PLAU: variants seen among roughly 807,000 people sequenced by gnomAD.
PLAU encodes urokinase-type plasminogen activator.
Under a neutral mutation model 48.9 loss-of-function variants are expected in PLAU, and 32 were observed. The ratio of observed to expected loss-of-function variants is 0.65; its 90% CI spans 0.49 to 0.88. The LOEUF (loss-of-function observed/expected upper bound fraction) is 0.88. Among genes scored for constraint, PLAU ranks in the 40% least tolerant of loss-of-function variants. The pLI is 0.00. For missense variants in PLAU, 455 were observed against 545.2 expected (o/e 0.83, Z 1.65); for synonymous variants, 199 against 205.7 (o/e 0.97, Z 0.28).
In PLAU at chr10:73,916,771, G is replaced by A; in HGVS notation, c.*206G>A. ...CTGGCTGCCCAGACCCCTCTGGCCA[G>A]GATGGAGGGGTGGTCCTGACTCAAC... On this transcript the variant is annotated 3_prime_UTR_variant, in exon 11 of 11. Coordinates refer to ENST00000372764, the MANE Select transcript of PLAU (RefSeq NM_002658.6). 1.8e-6 allele frequency: 1 copy of A among 566,220 alleles called. No homozygotes were observed. The highest frequency in any genetic ancestry group is 3.1e-6 in the Non-Finnish European group (1 of 320,084). 35.1% of individuals were successfully genotyped at this position (566,220 alleles called of 1,614,324 possible). A position where few individuals can be genotyped will look rare whatever the true frequency, so the allele number is the denominator to read the frequency against.
At position 73,914,105 on chromosome 10, in the gene PLAU, C is replaced by T. The variant is rs201687228; in HGVS notation, c.806C>T (p.Thr269Met). 3.7e-5 allele frequency: 59 copies of T among 1,614,072 alleles called. No homozygotes were observed. The highest frequency in any genetic ancestry group is 1.3e-4 in the Admixed American group (8 of 60,000). ...CTACACAAGGACTACAGCGCTGACACGCTTGCTCACCACAACGACATTGGT... is the reference window on the plus strand; with the variant it reads ...CTACACAAGGACTACAGCGCTGACATGCTTGCTCACCACAACGACATTGGT... ...LILHKDYSAD[T>M]LAHHNDIALL... Residue 269 changes from threonine (T) to methionine (M), a missense_variant, in exon 8 of 11, where the codon ACG (threonine) becomes ATG (methionine). Thr to Met is a moderately conservative substitution (Grantham distance 81). Coordinates refer to ENST00000372764, the MANE Select transcript of PLAU (RefSeq NM_002658.6).
At position 73,911,581 on chromosome 10, in the gene PLAU, T is replaced by A; in HGVS notation, c.26T>A (p.Leu9His). The part of the protein sequence containing the change: MRALLARL[L>H]LCVLVVSDSK... ...ATGAGAGCCCTGCTGGCGCGCCTGC[T>A]TCTCTGCGTCCTGGTCGTGAGCGAC... The change falls in exon 2 of 11, where the codon CTT becomes CAT. Residue 9 changes from leucine to histidine, a missense_variant. Physicochemically the swap from Leu to His is moderately conservative, Grantham distance 99. Transcript: ENST00000372764. The A allele has an allele frequency of 6.2e-7, 1 of 1,613,690 alleles. No homozygotes were observed. The highest frequency in any genetic ancestry group is 1.3e-5 in the African/African-American group (1 of 75,074).
In PLAU at chr10:73,913,763, G is replaced by A. The variant is rs373237459; in HGVS notation, c.680+5G>A. ...CAGCGCCACACACTGCTTCATGTAC[G>A]GCCCTGGGTTTCTCCTCTTCGACTC... On this transcript the variant is annotated splice_donor_5th_base_variant and intron_variant, in intron 7 of 10. Coordinates refer to ENST00000372764, the MANE Select transcript of PLAU (RefSeq NM_002658.6). The A allele has an allele frequency of 7.5e-5, 118 of 1,574,864 alleles. No individual in the cohort carries two copies. The South Asian group carries it at 9.1e-4, about 12-fold the overall frequency.
At chr10:73,913,948 C>G in intron 7 of PLAU, 32 bp from the exon 8 acceptor site, 1 of 1,605,032 alleles carries the variant, frequency 6.2e-7, no homozygotes, top group Non-Finnish European at 8.5e-7. Flanking sequence ...TTTCATGGGA[C>G]TAAGCTGTTT....
chr10:73,913,606 C>T lies in PLAU; in HGVS notation c.528C>T (p.Arg176=). 2 of 1,614,002 alleles carry T rather than the reference C, an allele frequency of 1.2e-6. No homozygotes were observed. Among genetic ancestry groups the T allele is most frequent in the Non-Finnish European group, 1.7e-6 (2 of 1,179,974 alleles). ...FQCGQKTLRP[R]FKIIGGEFTT... The stretch of plus-strand genomic sequence containing the variant: ...GTGGCCAAAAGACTCTGAGGCCCCG[C>T]TTTAAGATTATTGGGGGAGAATTCA... The change falls in exon 7 of 11, where the codon CGC becomes CGT. Residue 176 remains arginine (R), a synonymous_variant. Transcript: ENST00000372764.
chr10:73,915,171 C>T, intron 9 of PLAU, 80 bp from the exon 10 acceptor site: 1 of 1,433,596 alleles, frequency 7.0e-7, no homozygotes, highest in East Asian at 2.3e-5. Context: ...GGTAGAGATA[C>T]TTTATGGTTC....
upstream of PLAU, among the ~76,000 whole-genome samples, chr10:73,908,926 A>T (rs2131709522): frequency 3.6e-4 from 55 of 151,496 alleles, no homozygotes; most frequent in Non-Finnish European, 4.9e-4. Context: ...CTTTGGAAGG[A>T]TGAGGTGGGA....
chr10:73,911,396 G>C (rs901197281), intron 1 of PLAU, 129 bp from the exon 2 acceptor site: 1 of 1,006,168 alleles, frequency 9.9e-7, no homozygotes, highest in East Asian at 2.6e-5. Context: ...CCCGGAGTCC[G>C]GAGCCCAGAG....
Position 73,912,860 on chromosome 10 carries a change from AAT to A in PLAU, c.194-62_194-61del. On this transcript the variant is annotated intron_variant, in intron 4 of 10. Transcript: ENST00000372764. Reference sequence around the variant, plus strand: ...GCAAGACTCCATCTCAAAAAAAAAAAATAAAAGTTAGTTGGAATGTTCTTCTC... The same window carrying A: ...GCAAGACTCCATCTCAAAAAAAAAAAAAAAGTTAGTTGGAATGTTCTTCTC... The A allele has an allele frequency of 5.0e-6, 7 of 1,406,862 alleles. No individual in the cohort carries two copies. The South Asian group carries it at 5.3e-5, about 11-fold the overall frequency. 87.1% of individuals were successfully genotyped at this position (1,406,862 alleles called of 1,614,324 possible). A position where few individuals can be genotyped will look rare whatever the true frequency, so the allele number is the denominator to read the frequency against.
At position 73,914,867 on chromosome 10, in the gene PLAU, C is replaced by A; in HGVS notation, c.921C>A (p.Pro307=). 6.2e-7 allele frequency: 1 copy of A among 1,614,190 alleles called. No homozygotes were observed. Among genetic ancestry groups the A allele is most frequent in the Non-Finnish European group, 8.5e-7 (1 of 1,180,014 alleles). Residue 307 remains proline, a synonymous_variant, in exon 9 of 11, where the codon CCC becomes CCA. Coordinates refer to ENST00000372764, the MANE Select transcript of PLAU (RefSeq NM_002658.6). ...GCCTGCCCTCGATGTATAACGATCC[C>A]CAGTTTGGCACAAGCTGTGAGATCA... ...TICLPSMYND[P]QFGTSCEITG...
intron 1 of PLAU, 134 bp downstream of exon 1, chr10:73,911,352 C>A (rs1248845602): frequency 1.4e-6 from 1 of 715,842 alleles, no homozygotes; most frequent in Non-Finnish European, 2.4e-6. Flanking sequence ...GGCGCCCCGT[C>A]CCGGGCGTCC....
chr10:73,912,096 C>T, intron 3 of PLAU, 28 bp downstream of exon 3: 2 of 1,603,470 alleles, frequency 1.2e-6, no homozygotes, highest in Non-Finnish European at 8.5e-7. Flanking sequence ...CAACAGTTGG[C>T]TGCACAGACA....
chr10:73,912,093 T>C (rs1449665797), intron 3 of PLAU, 25 bp downstream of exon 3: 1 of 1,604,060 alleles, frequency 6.2e-7, no homozygotes, highest in Non-Finnish European at 8.5e-7. Context: ...CTACAACAGT[T>C]GGCTGCACAG....
chr10:73,913,328 A>C lies in PLAU; in HGVS notation c.407A>C (p.Gln136Pro). 1.2e-6 allele frequency: 2 copies of C among 1,614,180 alleles called. No homozygotes were observed. Among genetic ancestry groups the C allele is most frequent in the African/African-American group, 1.3e-5 (1 of 75,050 alleles). ...DNRRRPWCYV[Q>P]VGLKLLVQEC... The stretch of plus-strand genomic sequence containing the variant: ...CGGAGGCGACCCTGGTGCTATGTGC[A>C]GGTGGGCCTAAAGCTGCTTGTCCAA... The change falls in exon 6 of 11, where the codon CAG becomes CCG. Residue 136 changes from glutamine to proline, a missense_variant. Gln to Pro is a moderately conservative substitution (Grantham distance 76). Transcript: ENST00000372764.
chr10:73,916,800 T>C lies in PLAU; in HGVS notation c.*235T>C. On this transcript the variant is annotated 3_prime_UTR_variant, in exon 11 of 11. Coordinates refer to ENST00000372764, the MANE Select transcript of PLAU (RefSeq NM_002658.6). ...GGAGGGGTGGTCCTGACTCAACATG[T>C]TACTGACCAGCAACTTGTCTTTTTC... The C allele has an allele frequency of 2.0e-6, 1 of 511,328 alleles. No individual in the cohort carries two copies. 31.7% of individuals were successfully genotyped at this position (511,328 alleles called of 1,614,324 possible). A position where few individuals can be genotyped will look rare whatever the true frequency, so the allele number is the denominator to read the frequency against.
upstream of PLAU, chr10:73,911,105 T>G: frequency 5.9e-6 from 1 of 168,196 alleles, no homozygotes; most frequent in Non-Finnish European, 1.3e-5. Flanking sequence ...CGGGCCCTGA[T>G]ATAGAGCAGG....
Position 73,915,417 on chromosome 10 carries a change from C to G in PLAU, c.1119+18C>G, listed in dbSNP as rs1424490026. 1.3e-6 allele frequency: 2 copies of G among 1,581,610 alleles called. No homozygotes were observed. Among genetic ancestry groups the G allele is most frequent in the Non-Finnish European group, 1.7e-6 (2 of 1,162,678 alleles). On this transcript the variant is annotated intron_variant, in intron 10 of 10. Transcript: ENST00000372764. The stretch of plus-strand genomic sequence containing the variant: ...CCTGCCAGGTGAGTGTTCCAAGCAT[C>G]TCTCTCCACCTCTTCCATATCTCCC...
intron 2 of PLAU, 121 bp from the exon 3 acceptor site, chr10:73,911,920 A>C: frequency 6.3e-7 from 1 of 1,599,006 alleles, no homozygotes; most frequent in Non-Finnish European, 8.5e-7. Context: ...ACTAGATACG[A>C]ACAGGGTGAG....
At position 73,911,647 on chromosome 10, in the gene PLAU, A is replaced by G. The variant is rs371199984; in HGVS notation, c.57+35A>G. On this transcript the variant is annotated intron_variant, in intron 2 of 10. Coordinates refer to ENST00000372764, the MANE Select transcript of PLAU (RefSeq NM_002658.6). ...CTCTTGCTTTGACTGATGCTGCCCA[A>G]GGACCTCTGATCAGCACCAGGGGAG... The G allele has an allele frequency of 3.6e-3, 5,789 of 1,612,218 alleles. 196 individuals are homozygous for G. The South Asian group carries it at 0.059, about 16-fold the overall frequency.
Sources: allele counts gnomAD v4.1 joint callset (sites outside exome capture counted in the v4.1 genomes callset), GRCh38; gene constraint gnomAD v4.1.1; transcripts MANE v1.5; gene names NCBI Gene and HGNC (gene_info 2026-07-23, HGNC 2026-07-21).